The following ARMC2 variants were observed in gnomAD, a reference collection of about 807,000 sequenced individuals.
The protein encoded by ARMC2 is armadillo repeat-containing protein 2.
A neutral mutation model predicts 90.3 loss-of-function variants in ARMC2; 67 were observed. That is an observed-to-expected ratio of 0.74 (90% CI 0.61 to 0.91). ARMC2 has a LOEUF of 0.91. Among genes scored for constraint, ARMC2 ranks in the 40% least tolerant of loss-of-function variants. ARMC2 has a pLI of 0.00. For missense variants in ARMC2, 920 were observed against 1,030.9 expected, an observed-to-expected ratio of 0.89 and a Z score of 1.47; for synonymous variants, 393 against 393.0, an observed-to-expected ratio of 1.00 and a Z score of 0.00.
intron 5 of ARMC2, among the ~76,000 whole-genome samples, chr6:108,882,754 A>C (rs1417079258): frequency 1.3e-5 from 2 of 151,862 alleles, no homozygotes; most frequent in Non-Finnish European, 2.9e-5. Flanking sequence ...ATCTTCCTTC[A>C]CTTCCTCTGC....
At chr6:108,908,808 A>G (rs915850223) in intron 8 of ARMC2, among the ~76,000 whole-genome samples, 2 of 152,138 alleles carry the variant, frequency 1.3e-5, no homozygotes, top group Non-Finnish European at 2.9e-5. Flanking sequence ...GGTGGCTCAC[A>G]CCTGTAGTCC....
Position 108,876,193 on chromosome 6 carries a change from G to A in ARMC2, c.514G>A (p.Val172Met), listed in dbSNP as rs562151463. 5.5e-5 allele frequency: 88 copies of A among 1,612,900 alleles called. No individual in the cohort carries two copies. In the South Asian group the frequency reaches 8.7e-4, roughly 16 times the overall value. ...AACAGTTATGATGGGGGACTCTATG[G>A]TGAAAATAAATGGGATTTATTTAAC... ...KETVMMGDSM[V>M]KINGIYLTKS... The change falls in exon 5 of 18, where the codon GTG (valine) becomes ATG (methionine). Residue 172 changes from valine (V) to methionine (M), a missense_variant. By Grantham distance (21) the Val-to-Met change is conservative. Coordinates refer to ENST00000392644, the MANE Select transcript of ARMC2 (RefSeq NM_032131.6).
intron 17 of ARMC2, among the ~76,000 whole-genome samples, chr6:108,970,730 T>G (rs1778707699): frequency 6.6e-6 from 1 of 151,788 alleles, no homozygotes; most frequent in Non-Finnish European, 1.5e-5. Context: ...ACTCCTGACC[T>G]CAGGTGATCC....
intron 17 of ARMC2, among the ~76,000 whole-genome samples, chr6:108,970,731 C>T (rs1463648902): frequency 6.6e-6 from 1 of 151,788 alleles, no homozygotes; most frequent in Non-Finnish European, 1.5e-5. Flanking sequence ...CTCCTGACCT[C>T]AGGTGATCCA....
chr6:108,998,848 G>A, the ARMC2 span: 22 of 1,391,332 alleles, frequency 1.6e-5, 1 homozygote, highest in Middle Eastern at 6.7e-4. Flanking sequence ...GAAAACATGA[G>A]TCATCATACA....
At chr6:108,945,007 G>A (rs929693675) in intron 12 of ARMC2, among the ~76,000 whole-genome samples, 3 of 152,034 alleles carry the variant, frequency 2.0e-5, no homozygotes, top group Admixed American at 6.5e-5. Context: ...CCTCTCGTTC[G>A]GCTTAATGCC....
chr6:108,868,271 C>A (rs1448398498), intron 3 of ARMC2, among the ~76,000 whole-genome samples: 1 of 151,984 alleles, frequency 6.6e-6, no homozygotes, highest in Non-Finnish European at 1.5e-5. Context: ...GGCTGGAGTG[C>A]AGTGGTGCAG....
rs554488637 is a variant in ARMC2, at chr6:108,953,169, T to C, written c.1733T>C (p.Leu578Pro). 6.2e-7 allele frequency: 1 copy of C among 1,614,080 alleles called. No homozygotes were observed. Among genetic ancestry groups the C allele is most frequent in the South Asian group, 1.1e-5 (1 of 91,088 alleles). The change falls in exon 13 of 18, where the codon CTG becomes CCG. Residue 578 changes from leucine (L) to proline (P), a missense_variant. Leu to Pro is a moderately conservative substitution (Grantham distance 98). Coordinates refer to ENST00000392644, the MANE Select transcript of ARMC2 (RefSeq NM_032131.6). ...TTCCAGACGTTCCATCAGCTGGATC[T>C]GCATTCCCAGAAGCCGGTGGGCCAA... is the stretch of plus-strand genomic sequence containing the variant. ...SLFQTFHQLDLHSQKPVGQRG... is the reference protein window; with the variant it reads ...SLFQTFHQLDPHSQKPVGQRG...
intron 12 of ARMC2, among the ~76,000 whole-genome samples, chr6:108,949,708 C>T (rs1754713527): frequency 6.6e-6 from 1 of 152,170 alleles, no homozygotes; most frequent in Non-Finnish European, 1.5e-5. Context: ...CCTTTGCCAC[C>T]AGGCATTACT....
At chr6:108,953,447 T>C (rs1777350444) in intron 13 of ARMC2, 96 bp downstream of exon 13, 1 of 1,267,950 alleles carries the variant, frequency 7.9e-7, no homozygotes. Context: ...GATTTTATTA[T>C]CACAAGTGGC....
intron 12 of ARMC2, among the ~76,000 whole-genome samples, chr6:108,944,656 A>G (rs1305116868): frequency 1.3e-5 from 2 of 152,230 alleles, no homozygotes; most frequent in African/African-American, 4.8e-5. Context: ...AGTTCAGTAT[A>G]TACCCATATC....
Position 108,908,138 on chromosome 6 carries a change from T to TGG in ARMC2, c.1024-2754_1024-2753dup, listed in dbSNP as rs35329057. 1.8e-3 allele frequency among the ~76,000 whole-genome samples: 276 copies of TGG among 151,712 alleles called. 1 individual carries two copies. The highest frequency in any genetic ancestry group is 2.7e-3 in the Non-Finnish European group (182 of 67,892). ...AATGCAGATTCTGAGTCGGTAGTGC[T>TGG]GGGGGGGGCCTGAGATTCTGCATTC... is the stretch of plus-strand genomic sequence containing the variant. On this transcript the variant is annotated intron_variant, in intron 8 of 17. Coordinates refer to ENST00000392644, the MANE Select transcript of ARMC2 (RefSeq NM_032131.6).
the ARMC2 span, among the ~76,000 whole-genome samples, chr6:109,016,159 T>A: frequency 1.3e-3 from 197 of 152,334 alleles, no homozygotes; most frequent in African/African-American, 4.6e-3. Context: ...GTCATTAGCT[T>A]AATCATGACA....
At chr6:108,916,771 C>T (rs747994315) in intron 10 of ARMC2, among the ~76,000 whole-genome samples, 36 of 152,116 alleles carry the variant, frequency 2.4e-4, no homozygotes, top group South Asian at 2.1e-4. Flanking sequence ...GAGCTACAGT[C>T]GGGCAGGCAT....
the ARMC2 span, among the ~76,000 whole-genome samples, chr6:109,004,371 C>T: frequency 6.6e-6 from 1 of 151,378 alleles, no homozygotes; most frequent in African/African-American, 2.4e-5. Context: ...ATATTTGCCA[C>T]TCAAATAACA....
chr6:108,917,526 T>C (rs1026402231), intron 10 of ARMC2, among the ~76,000 whole-genome samples: 1 of 152,104 alleles, frequency 6.6e-6, no homozygotes, highest in Admixed American at 6.5e-5. Flanking sequence ...CAGAAAATAA[T>C]AAATGATGGT....
chr6:108,908,488 A>T (rs1323360465), intron 8 of ARMC2, among the ~76,000 whole-genome samples: 1 of 152,196 alleles, frequency 6.6e-6, no homozygotes, highest in Non-Finnish European at 1.5e-5. Context: ...TTATTTTTTT[A>T]AAGTAACTGA....
intron 12 of ARMC2, among the ~76,000 whole-genome samples, chr6:108,945,862 A>G (rs984797688): frequency 6.6e-6 from 1 of 152,198 alleles, no homozygotes; most frequent in African/African-American, 2.4e-5. Flanking sequence ...TGGGCCATCA[A>G]GGATTGGTTA....
chr6:109,021,685 G>A, the ARMC2 span, among the ~76,000 whole-genome samples: 9 of 151,992 alleles, frequency 5.9e-5, no homozygotes, highest in South Asian at 1.5e-3. Context: ...CAAGTGATCC[G>A]CCCGCCTTGG....
Sources: allele counts gnomAD v4.1 joint callset (sites outside exome capture counted in the v4.1 genomes callset), GRCh38; gene constraint gnomAD v4.1.1; transcripts MANE v1.5; gene names NCBI Gene and HGNC (gene_info 2026-07-23, HGNC 2026-07-21).